Variants in POLA1 observed in about 807,000 individuals in gnomAD.
POLA1 encodes DNA polymerase alpha catalytic subunit.
In POLA1, 15 loss-of-function variants were observed where a neutral mutation model predicts 124.0. That is an observed-to-expected ratio of 0.12 (90% CI 0.08 to 0.19). The LOEUF (loss-of-function observed/expected upper bound fraction) is 0.19. Ranked by LOEUF, POLA1 falls within the 10% of genes least tolerant of loss-of-function variation. The probability of loss-of-function intolerance (pLI) is 1.00; values close to 1 mark genes in which losing one functional copy is unlikely to be tolerated. For missense variants in POLA1, 886 were observed against 1,103.4 expected (o/e 0.80, Z 2.79); for synonymous variants, 408 against 389.4 (o/e 1.05, Z -0.56).
At position 24,728,784 on chromosome X, in the gene POLA1, C is replaced by T. The variant is rs866619865; in HGVS notation, c.1686+848C>T. Among the ~76,000 whole-genome samples, 163 of 112,116 alleles carry T rather than the reference C, an allele frequency of 1.5e-3. 1 individual carries two copies. Among genetic ancestry groups the T allele is most frequent in the African/African-American group, 5.0e-3 (154 of 30,931 alleles). Reference sequence around the variant, plus strand: ...ATTTCACTGGAAGACAGCATGTTTACAGCTGCTTTTGCACTATGACAGCAG... The same window carrying T: ...ATTTCACTGGAAGACAGCATGTTTATAGCTGCTTTTGCACTATGACAGCAG... On this transcript the variant is annotated intron_variant, in intron 15 of 36. Coordinates refer to ENST00000379068, the MANE Select transcript of POLA1 (RefSeq NM_001330360.2).
intron 35 of POLA1, among the ~76,000 whole-genome samples, chrX:24,930,186 G>T (rs2047754139): frequency 1.8e-5 from 2 of 112,351 alleles, no homozygotes; most frequent in South Asian, 7.4e-4. Flanking sequence ...ACAAAATCAG[G>T]TTTTTGACAG....
chrX:24,836,401 T>C (rs2046341531), intron 32 of POLA1, among the ~76,000 whole-genome samples: 1 of 111,941 alleles, frequency 8.9e-6, no homozygotes, highest in African/African-American at 3.2e-5. Context: ...TGCTAGGCCA[T>C]CAGGGACATG....
chrX:24,762,005 C>T (rs762637828), intron 26 of POLA1, among the ~76,000 whole-genome samples: 1 of 112,260 alleles, frequency 8.9e-6, no homozygotes, highest in Non-Finnish European at 1.9e-5. Context: ...CTGGAGAAAG[C>T]CCTGGACTGC....
intron 30 of POLA1, among the ~76,000 whole-genome samples, chrX:24,819,734 C>A (rs1169072202): frequency 9.0e-6 from 1 of 111,095 alleles, no homozygotes; most frequent in African/African-American, 3.3e-5. Flanking sequence ...GTTTGCTGCA[C>A]TTATCAACCC....
chrX:24,882,382 A>G (rs2047013766), intron 34 of POLA1, among the ~76,000 whole-genome samples: 1 of 111,115 alleles, frequency 9.0e-6, no homozygotes, highest in Non-Finnish European at 1.9e-5. Flanking sequence ...TTACATGGGT[A>G]TATTGCATGA....
intron 18 of POLA1, among the ~76,000 whole-genome samples, chrX:24,737,227 C>G (rs1931335401): frequency 9.0e-6 from 1 of 111,382 alleles, no homozygotes; most frequent in Non-Finnish European, 1.9e-5. Context: ...CATACAACAC[C>G]AGGCAGGTTC....
At chrX:24,956,867 A>T (rs2048112632) in intron 36 of POLA1, among the ~76,000 whole-genome samples, 1 of 112,575 alleles carries the variant, frequency 8.9e-6, no homozygotes, top group African/African-American at 3.2e-5. Context: ...GTATGAAACT[A>T]AGAAAATAGG....
At chrX:24,807,217 G>T (rs12389965) in intron 26 of POLA1, among the ~76,000 whole-genome samples, 2 of 112,048 alleles carry the variant, frequency 1.8e-5, no homozygotes, top group African/African-American at 6.5e-5. Context: ...AAGAGTAGAA[G>T]AAATTGGTTA....
intron 26 of POLA1, among the ~76,000 whole-genome samples, chrX:24,749,760 T>C (rs1247930322): frequency 8.9e-6 from 1 of 112,346 alleles, no homozygotes. Context: ...ACAGGAGTTA[T>C]GGATTGAGAG....
At chrX:24,694,322 G>A (rs1191629069) in intron 1 of POLA1, among the ~76,000 whole-genome samples, 1 of 112,524 alleles carries the variant, frequency 8.9e-6, no homozygotes, top group Non-Finnish European at 1.9e-5. Context: ...TGGCCCCGTG[G>A]GGCCGAAAGT....
chrX:24,737,592 T>C (rs1931356173), intron 18 of POLA1, 33 bp from the exon 19 acceptor site: 2 of 704,024 alleles, frequency 2.8e-6, no homozygotes, highest in Non-Finnish European at 2.3e-6. Flanking sequence ...GCATTTGTTA[T>C]AACATTATCA....
chrX:24,955,672 G>A (rs1440087472), intron 36 of POLA1, among the ~76,000 whole-genome samples: 1 of 111,610 alleles, frequency 9.0e-6, no homozygotes, highest in Non-Finnish European at 1.9e-5. Context: ...CAGTGCTCAC[G>A]GAGAATAAGA....
At chrX:24,946,330 A>T (rs1213682401) in intron 36 of POLA1, among the ~76,000 whole-genome samples, 1 of 111,663 alleles carries the variant, frequency 9.0e-6, no homozygotes. Context: ...GTTTAGGAGG[A>T]TATTCCTGTG....
At chrX:24,929,786 G>C (rs1014607084) in intron 35 of POLA1, among the ~76,000 whole-genome samples, 5 of 112,363 alleles carry the variant, frequency 4.4e-5, no homozygotes, top group Non-Finnish European at 7.5e-5. Flanking sequence ...TGTTTGCTGA[G>C]TGAATAGTAG....
intron 4 of POLA1, among the ~76,000 whole-genome samples, chrX:24,712,180 G>T (rs903158889): frequency 9.0e-6 from 1 of 110,758 alleles, no homozygotes; most frequent in Admixed American, 9.6e-5. Flanking sequence ...CCGCCTCCTG[G>T]TTTCAAGCGA....
rs1397496457 is a variant in POLA1 at position 24,714,535 on chromosome X, ATAAT to A, written c.347-17_347-14del. 2 of 1,026,457 alleles carry A rather than the reference ATAAT, an allele frequency of 1.9e-6. No individual in the cohort carries two copies. The highest frequency in any genetic ancestry group is 2.7e-6 in the Non-Finnish European group (2 of 743,949). 84.6% of individuals were successfully genotyped at this position (1,026,457 alleles called of 1,213,427 possible). ...GATTTTTGCTGATGCATGTTTCTAA[ATAAT>A]TCATATTCCAATAGGAAAAGATGGT... On this transcript the variant is annotated splice_polypyrimidine_tract_variant and intron_variant, in intron 4 of 36. Transcript: ENST00000379068.
intron 36 of POLA1, among the ~76,000 whole-genome samples, chrX:24,976,414 C>CA (rs1261084389): frequency 8.9e-6 from 1 of 112,064 alleles, no homozygotes; most frequent in Non-Finnish European, 1.9e-5. Flanking sequence ...TCCCAGTTTT[C>CA]AAAAAAGAGT....
At chrX:24,930,619 G>T in intron 36 of POLA1, 70 bp downstream of exon 36, 1 of 669,071 alleles carries the variant, frequency 1.5e-6, no homozygotes, top group Non-Finnish European at 2.4e-6. Context: ...CAGACCTACT[G>T]TGTCAGGCTG....
chrX:24,951,560 C>T (rs978849134), intron 36 of POLA1, among the ~76,000 whole-genome samples: 4 of 110,055 alleles, frequency 3.6e-5, no homozygotes. Context: ...TTTCATCTTC[C>T]CGCCCCACTT....
Sources: gnomAD v4.1 joint callset for allele counts (sites outside exome capture counted in the v4.1 genomes callset) on GRCh38, gnomAD v4.1.1 for gene constraint, MANE v1.5 for transcripts, NCBI Gene and HGNC (gene_info 2026-07-23, HGNC 2026-07-21) for gene names.